XIRP2: variants seen among roughly 807,000 people sequenced by gnomAD.
XIRP2 encodes the protein xin actin binding repeat containing 2, also known as xin actin-binding repeat-containing protein 2.
In XIRP2, 236 loss-of-function variants were observed where a neutral mutation model predicts 277.0. That is an observed-to-expected ratio of 0.85 (90% confidence interval 0.77 to 0.95). The LOEUF (loss-of-function observed/expected upper bound fraction) is 0.95, where lower values mean the gene tolerates loss of function less well. XIRP2 is among the 40% of genes least tolerant of loss of function. XIRP2 has a pLI of 0.00. For missense variants in XIRP2, 4,640 were observed against 4,157.5 expected, an observed-to-expected ratio of 1.12 and a Z score of -3.19; for synonymous variants, 1,490 against 1,416.5, an observed-to-expected ratio of 1.05 and a Z score of -1.17.
At chr2:167,024,232 A>C (rs934952506) in intron 2 of XIRP2, among the ~76,000 whole-genome samples, 1 of 152,078 alleles carries the variant, frequency 6.6e-6, no homozygotes, top group African/African-American at 2.4e-5. Context: ...ATGGGAGTTC[A>C]CTCATGATTT....
In XIRP2 at chr2:167,244,513, G is replaced by A. The variant is rs1038988445; in HGVS notation, c.3121G>A (p.Gly1041Arg). ...CATTCATAAATTTCAAATAATTAGA[G>A]GAATATCTGCTCAAGAAATACAGAC... ...ESIHKFQIIR[G>R]ISAQEIQTGN... is the part of the protein sequence containing the mutation. The change falls in exon 9 of 11, where the codon GGA becomes AGA. Residue 1041 changes from glycine to arginine, a missense_variant. By Grantham distance (125) the Gly-to-Arg change is moderately radical. Transcript: ENST00000409195. The A allele has an allele frequency of 6.2e-7, 1 of 1,613,456 alleles. No individual in the cohort carries two copies. Among genetic ancestry groups the A allele is most frequent in the Non-Finnish European group, 8.5e-7 (1 of 1,179,728 alleles).
intron 2 of XIRP2, among the ~76,000 whole-genome samples, chr2:166,995,157 C>T (rs916259915): frequency 6.6e-6 from 1 of 152,002 alleles, no homozygotes; most frequent in African/African-American, 2.4e-5. Flanking sequence ...TGGGATTACA[C>T]GTGTGAGCAG....
intron 5 of XIRP2, among the ~76,000 whole-genome samples, chr2:167,225,199 T>C (rs180794020): frequency 5.1e-4 from 78 of 152,298 alleles, no homozygotes; most frequent in Non-Finnish European, 8.7e-4. Flanking sequence ...ATTTATAGTA[T>C]AGTGGCAAGA....
intron 2 of XIRP2, among the ~76,000 whole-genome samples, chr2:167,062,415 C>T (rs1211168032): frequency 6.6e-6 from 1 of 152,136 alleles, no homozygotes; most frequent in African/African-American, 2.4e-5. Flanking sequence ...AGTTGATGTG[C>T]TAAAATTTTG....
chr2:167,184,412 C>G, intron 3 of XIRP2: 1 of 623,432 alleles, frequency 1.6e-6, no homozygotes, highest in Non-Finnish European at 2.9e-6. Context: ...ATCCTGCTAT[C>G]CTGTGAAATT....
intron 2 of XIRP2, among the ~76,000 whole-genome samples, chr2:167,028,835 T>C (rs1346366432): frequency 2.0e-5 from 3 of 151,484 alleles, no homozygotes; most frequent in East Asian, 2.0e-4. Context: ...CGAGAAGGAA[T>C]TCAGAATCCC....
At chr2:167,197,455 G>A (rs1693551507) in intron 3 of XIRP2, among the ~76,000 whole-genome samples, 1 of 151,568 alleles carries the variant, frequency 6.6e-6, no homozygotes, top group African/African-American at 2.4e-5. Context: ...AAATACTTGT[G>A]AAGTTGACTA....
chr2:167,249,588 T>G lies in XIRP2; in HGVS notation c.8196T>G (p.His2732Gln). The part of the protein sequence containing the change: ...LNETDHSYES[H>Q]KQQSEIDVQT... ...AAACAGACCACAGCTATGAAAGTCA[T>G]AAACAGCAATCTGAGATTGATGTTC... is the stretch of plus-strand genomic sequence containing the variant. Residue 2732 changes from histidine (H) to glutamine (Q), a missense_variant, in exon 9 of 11, where the codon CAT becomes CAG. By Grantham distance (24) the His-to-Gln change is conservative. Transcript: ENST00000409195. The G allele has an allele frequency of 1.2e-6, 2 of 1,613,624 alleles. No homozygotes were observed. Among genetic ancestry groups the G allele is most frequent in the Non-Finnish European group, 8.5e-7 (1 of 1,179,798 alleles).
chr2:167,035,025 TG>T (rs1422476290), intron 2 of XIRP2, among the ~76,000 whole-genome samples: 1 of 152,174 alleles, frequency 6.6e-6, no homozygotes, highest in African/African-American at 2.4e-5. Context: ...CATTCTCTCT[TG>T]CCACCACCAT....
intron 2 of XIRP2, among the ~76,000 whole-genome samples, chr2:166,955,460 G>T (rs1042361340): frequency 6.6e-6 from 1 of 151,816 alleles, no homozygotes; most frequent in African/African-American, 2.4e-5. Flanking sequence ...ATGAAGGATT[G>T]AGGGGGGTGA....
intron 2 of XIRP2, among the ~76,000 whole-genome samples, chr2:167,007,150 T>C (rs1687525173): frequency 6.6e-6 from 1 of 151,676 alleles, no homozygotes; most frequent in South Asian, 2.1e-4. Context: ...AAGTACCTAA[T>C]TATGTACAAA....
At chr2:166,915,310 A>G (rs992061669) in intron 2 of XIRP2, among the ~76,000 whole-genome samples, 2 of 151,140 alleles carry the variant, frequency 1.3e-5, no homozygotes, top group African/African-American at 2.4e-5. Context: ...AAAAAAAAAA[A>G]AAAAAAAAAA....
At chr2:167,062,933 T>C (rs1350049051) in intron 2 of XIRP2, among the ~76,000 whole-genome samples, 2 of 151,990 alleles carry the variant, frequency 1.3e-5, no homozygotes, top group Non-Finnish European at 2.9e-5. Context: ...GTATTTTCTT[T>C]TTCATTTTAT....
chr2:167,247,580 G>T lies in XIRP2; in HGVS notation c.6188G>T (p.Gly2063Val). ...GTTTTGGAATCAGGAGACAAAACGG[G>T]TGTCTGGACTGATACTACAGGAGAA... ...SNVLESGDKT[G>V]VWTDTTGEQH... The change falls in exon 9 of 11, where the codon GGT becomes GTT. Residue 2063 changes from glycine (G) to valine (V), a missense_variant. By Grantham distance (109) the Gly-to-Val change is moderately radical. Transcript: ENST00000409195. 1 of 1,613,716 alleles carries T rather than the reference G, an allele frequency of 6.2e-7. No homozygotes were observed. The highest frequency in any genetic ancestry group is 8.5e-7 in the Non-Finnish European group (1 of 1,179,762).
intron 7 of XIRP2, 144 bp from the exon 8 acceptor site, chr2:167,241,633 C>T (rs963050855): frequency 1.1e-6 from 1 of 871,572 alleles, no homozygotes. Context: ...TGGTCTCACA[C>T]CCTTGGGCTC....
intron 3 of XIRP2, among the ~76,000 whole-genome samples, chr2:167,138,870 A>G (rs1248301980): frequency 6.6e-6 from 1 of 152,120 alleles, no homozygotes; most frequent in African/African-American, 2.4e-5. Flanking sequence ...GTTTGAGACC[A>G]GCCCCGACCA....
intron 2 of XIRP2, among the ~76,000 whole-genome samples, chr2:167,079,269 G>C (rs1162235440): frequency 6.6e-6 from 1 of 152,102 alleles, no homozygotes; most frequent in Non-Finnish European, 1.5e-5. Context: ...CTAATATTTT[G>C]TTGGGGAATG....
Position 167,259,304 on chromosome 2 carries a change from GAAC to G in XIRP2, c.*1491_*1493del. The G allele has an allele frequency of 6.2e-7, 1 of 1,613,010 alleles. No individual in the cohort carries two copies. Among genetic ancestry groups the G allele is most frequent in the Non-Finnish European group, 8.5e-7 (1 of 1,179,524 alleles). On this transcript the variant is annotated 3_prime_UTR_variant, in exon 11 of 11. Transcript: ENST00000409195. ...GTTTCCCAGAGTGGAGGTGCAGTCA[GAAC>G]AACTCACGGTGGAAGAGCAGATTAA...
chr2:167,235,025 A>C (rs1336777235), intron 5 of XIRP2, among the ~76,000 whole-genome samples: 3 of 151,854 alleles, frequency 2.0e-5, no homozygotes, highest in Non-Finnish European at 4.4e-5. Flanking sequence ...ATGTTGAAAG[A>C]ATCCTTACCT....
Sources: allele counts gnomAD v4.1 joint callset (sites outside exome capture counted in the v4.1 genomes callset), GRCh38; gene constraint gnomAD v4.1.1; transcripts MANE v1.5; gene names NCBI Gene and HGNC (gene_info 2026-07-23, HGNC 2026-07-21).